Variants in FAM53A observed in about 807,000 individuals in gnomAD.
The protein encoded by FAM53A is family with sequence similarity 53 member A.
Under a neutral mutation model 26.6 loss-of-function variants are expected in FAM53A, and 28 were observed. The observed-to-expected ratio is 1.05, with a 90% confidence interval of 0.78 to 1.45. The LOEUF is 1.45. Among genes scored for constraint, FAM53A ranks in the 40% most tolerant of loss-of-function variants. FAM53A has a pLI of 0.00. For synonymous variants in FAM53A, 290 were observed against 253.1 expected (o/e 1.15, Z -1.38); for missense variants, 650 against 575.8 (o/e 1.13, Z -1.32).
chr4:1,601,516 C>G, the FAM53A span, among the ~76,000 whole-genome samples: 2 of 111,840 alleles, frequency 1.8e-5, no homozygotes, highest in African/African-American at 2.9e-5. Flanking sequence ...CCCGGGTGCA[C>G]TGCGCCCCCC....
intron 2 of FAM53A, among the ~76,000 whole-genome samples, chr4:1,658,122 T>C (rs895988993): frequency 1.4e-4 from 22 of 151,786 alleles, no homozygotes; most frequent in African/African-American, 5.1e-4. Context: ...GCCATTCTCC[T>C]GTCTCAGCCT....
the FAM53A span, among the ~76,000 whole-genome samples, chr4:1,604,091 G>A: frequency 6.6e-6 from 1 of 152,182 alleles, no homozygotes; most frequent in African/African-American, 2.4e-5. Flanking sequence ...TCCAGGCAGG[G>A]TGCCTGCCCC....
intron 4 of FAM53A, chr4:1,644,061 G>C (rs1712005710): frequency 2.3e-6 from 3 of 1,290,636 alleles, no homozygotes; most frequent in Non-Finnish European, 3.1e-6. Context: ...GGTCTCACCA[G>C]CTCGGTCTGG....
At chr4:1,607,270 C>T in the FAM53A span, among the ~76,000 whole-genome samples, 7 of 151,974 alleles carry the variant, frequency 4.6e-5, no homozygotes, top group Non-Finnish European at 1.0e-4. Flanking sequence ...CCGCCTGCCT[C>T]GGCCTCCCAA....
intron 4 of FAM53A, among the ~76,000 whole-genome samples, chr4:1,646,406 CTT>C (rs1560146141): frequency 6.6e-6 from 1 of 152,164 alleles, no homozygotes; most frequent in Non-Finnish European, 1.5e-5. Context: ...GCCCAGAACT[CTT>C]GAGAAATACA....
At chr4:1,579,941 A>G in the FAM53A span, among the ~76,000 whole-genome samples, 1 of 152,256 alleles carries the variant, frequency 6.6e-6, no homozygotes, top group Admixed American at 6.5e-5. Flanking sequence ...AAACAATGGC[A>G]GGAATAAAAT....
At chr4:1,624,823 C>G (rs1715208279) in intron 1 of FAM53A, among the ~76,000 whole-genome samples, 1 of 152,272 alleles carries the variant, frequency 6.6e-6, no homozygotes, top group South Asian at 2.1e-4. Flanking sequence ...AAGAACCACT[C>G]AAGGACCCAA....
the FAM53A span, among the ~76,000 whole-genome samples, chr4:1,601,519 C>T: frequency 1.8e-5 from 2 of 112,444 alleles, no homozygotes; most frequent in African/African-American, 5.7e-5. Flanking sequence ...GGGTGCACTG[C>T]GCCCCCCAGC....
At chr4:1,647,647 T>C (rs1712363263) in intron 4 of FAM53A, among the ~76,000 whole-genome samples, 1 of 152,170 alleles carries the variant, frequency 6.6e-6, no homozygotes, top group Non-Finnish European at 1.5e-5. Flanking sequence ...GCATACCGAG[T>C]CCGCCAGGTG....
At chr4:1,623,931 C>A (rs1168943895) in intron 1 of FAM53A, among the ~76,000 whole-genome samples, 1 of 152,132 alleles carries the variant, frequency 6.6e-6, no homozygotes. Flanking sequence ...AGCCCCCAGG[C>A]CAGGAGATGG....
chr4:1,635,462 C>T (rs2121459), downstream of FAM53A, among the ~76,000 whole-genome samples: 30,538 of 152,056 alleles, frequency 0.2, 3,639 homozygotes, highest in South Asian at 0.28. Context: ...TTAGTAGAGA[C>T]GAGGTCTTGC....
the FAM53A span, among the ~76,000 whole-genome samples, chr4:1,611,740 C>A: frequency 6.6e-6 from 1 of 152,214 alleles, no homozygotes; most frequent in Non-Finnish European, 1.5e-5. Context: ...GGGCCCCCCA[C>A]CCTGGCCATG....
chr4:1,645,432 G>T (rs116114389), intron 4 of FAM53A, among the ~76,000 whole-genome samples: 2 of 152,236 alleles, frequency 1.3e-5, no homozygotes, highest in Non-Finnish European at 2.9e-5. Flanking sequence ...GGAGCTGGCC[G>T]ACGGCACATG....
intron 4 of FAM53A, among the ~76,000 whole-genome samples, chr4:1,648,867 C>A (rs191240331): frequency 1.3e-5 from 2 of 152,336 alleles, no homozygotes; most frequent in Admixed American, 1.3e-4. Flanking sequence ...AATCCCAGCA[C>A]TTTGTGAGGC....
intron 1 of FAM53A, among the ~76,000 whole-genome samples, chr4:1,631,667 C>G (rs1326561128): frequency 6.6e-6 from 1 of 151,958 alleles, no homozygotes; most frequent in East Asian, 1.9e-4. Context: ...AAGGAAAAAG[C>G]TATAGAAACA....
the FAM53A span, among the ~76,000 whole-genome samples, chr4:1,588,290 T>C: frequency 6.6e-6 from 1 of 152,224 alleles, no homozygotes; most frequent in African/African-American, 2.4e-5. Flanking sequence ...TGTAAGATAA[T>C]TGTGGTGGTT....
Position 1,647,676 on chromosome 4 carries a change from G to GGTGC in FAM53A, c.883-6073_883-6070dup, listed in dbSNP as rs112646246. Among the ~76,000 whole-genome samples, 79 of 152,360 alleles carry GGTGC rather than the reference G, an allele frequency of 5.2e-4. 1 individual carries two copies. The highest frequency in any genetic ancestry group is 1.8e-3 in the African/African-American group (74 of 41,588). ...CCAGGTGCAAGCACAGCACAGCCGG[G>GGTGC]GTGCGGATGTGAGCGAGCGTGAGCA... On this transcript the variant is annotated intron_variant, in intron 4 of 4. Coordinates refer to ENST00000308132, the MANE Select transcript of FAM53A (RefSeq NM_001174070.3).
In FAM53A at chr4:1,655,534, G is replaced by C; in HGVS notation, c.326C>G (p.Thr109Arg). The change falls in exon 4 of 5, where the codon ACA becomes AGA. Residue 109 changes from threonine (T) to arginine (R), a missense_variant. Thr to Arg is a moderately conservative substitution (Grantham distance 71). Coordinates refer to ENST00000308132, the MANE Select transcript of FAM53A (RefSeq NM_001174070.3). ...AASTVDPSES[T>R]GSSTAPPTKR... ...GGTCGGTGGGGCCGTGGACGAGCCT[G>C]TGCTTTCACTGGGGTCCACGGTGCT... 1 of 1,567,736 alleles carries C rather than the reference G, an allele frequency of 6.4e-7. No individual in the cohort carries two copies. The highest frequency in any genetic ancestry group is 1.2e-5 in the South Asian group (1 of 86,448).
chr4:1,614,890 G>A (rs1714752059), downstream of FAM53A, among the ~76,000 whole-genome samples: 1 of 152,114 alleles, frequency 6.6e-6, no homozygotes, highest in South Asian at 2.1e-4. Flanking sequence ...CCCCATGGCC[G>A]TCCTATGCTG....
Sources: gnomAD v4.1 joint callset for allele counts (sites outside exome capture counted in the v4.1 genomes callset) on GRCh38, gnomAD v4.1.1 for gene constraint, MANE v1.5 for transcripts, NCBI Gene and HGNC (gene_info 2026-07-23, HGNC 2026-07-21) for gene names.